Variants in SCP2 observed in about 807,000 individuals in gnomAD.
The protein encoded by SCP2 is sterol carrier protein 2, also known as SCP-2/3-oxoacyl-CoA thiolase.
Under a neutral mutation model 71.4 loss-of-function variants are expected in SCP2, and 48 were observed. The observed-to-expected ratio is 0.67, with a 90% CI of 0.53 to 0.86. The LOEUF (loss-of-function observed/expected upper bound fraction) is 0.86, where lower values mean the gene tolerates loss of function less well. Ranked by LOEUF, SCP2 falls within the 40% of genes least tolerant of loss-of-function variation. The pLI is 0.00. For missense variants in SCP2, 560 were observed against 655.6 expected, an observed-to-expected ratio of 0.85 and a Z score of 1.59; for synonymous variants, 220 against 218.1, an observed-to-expected ratio of 1.01 and a Z score of -0.08.
intron 11 of SCP2, among the ~76,000 whole-genome samples, chr1:53,003,489 AGATTATAG>A (rs907931174): frequency 6.6e-6 from 1 of 151,962 alleles, no homozygotes. Flanking sequence ...CAAAGTGCTG[AGATTATAG>A]GCATGAGCCA....
rs1284615316 is a variant in SCP2 at position 52,927,450 on chromosome 1, G to T, written c.54G>T (p.Gly18=). The T allele has an allele frequency of 6.2e-7, 1 of 1,601,636 alleles. No homozygotes were observed. Among genetic ancestry groups the T allele is most frequent in the Non-Finnish European group, 8.5e-7 (1 of 1,174,872 alleles). The change falls in exon 1 of 16, where the codon GGG becomes GGT. Residue 18 remains glycine (G), a synonymous_variant. Coordinates refer to ENST00000371514, the MANE Select transcript of SCP2 (RefSeq NM_002979.5). ...PATLRRVFVV[G]VGMTKFVKPG... ...CCCTGCGCCGGGTGTTCGTGGTGGG[G>T]GTTGGCATGACCAAGGTAAACCGAG... is the stretch of plus-strand genomic sequence containing the variant.
chr1:52,953,946 C>T (rs1424835586), intron 4 of SCP2, among the ~76,000 whole-genome samples: 1 of 150,734 alleles, frequency 6.6e-6, no homozygotes, highest in Non-Finnish European at 1.5e-5. Context: ...TGCACTACTG[C>T]ACTCCAGCCT....
At chr1:52,974,482 T>A (rs910393689) in intron 6 of SCP2, among the ~76,000 whole-genome samples, 4 of 152,212 alleles carry the variant, frequency 2.6e-5, no homozygotes, top group African/African-American at 9.6e-5. Flanking sequence ...AAAACCACCA[T>A]GTTTCTTGTT....
At chr1:53,008,216 A>C (rs1254184691) in intron 11 of SCP2, among the ~76,000 whole-genome samples, 1 of 152,244 alleles carries the variant, frequency 6.6e-6, no homozygotes, top group Non-Finnish European at 1.5e-5. Context: ...AGGAGCTGGT[A>C]CCATTCCTTC....
chr1:52,993,490 A>G lies in SCP2; in HGVS notation c.1081+5354A>G, dbSNP rs561869681. The G allele has an allele frequency of 1.2e-5, 20 of 1,613,286 alleles. No individual in the cohort carries two copies. In the East Asian group the frequency reaches 4.5e-4, roughly 36 times the overall value. ...CCTTTACTCTGAGAATCTGTCTTTG[A>G]AACTTATAGATTTCTTCAAAACTGC... On this transcript the variant is annotated intron_variant, in intron 11 of 15. Transcript: ENST00000371514.
At position 52,993,357 on chromosome 1, in the gene SCP2, T is replaced by C. The variant is rs1445783808; in HGVS notation, c.1081+5221T>C. ...ATCTTTGCTGATGCCTCCATGTATG[T>C]TACCTTAAGTTGCCGTGCTAACTGC... On this transcript the variant is annotated intron_variant, in intron 11 of 15. Coordinates refer to ENST00000371514, the MANE Select transcript of SCP2 (RefSeq NM_002979.5). 22 of 1,614,236 alleles carry C rather than the reference T, an allele frequency of 1.4e-5. No individual in the cohort carries two copies. The South Asian group carries it at 2.0e-4, about 15-fold the overall frequency.
intron 12 of SCP2, among the ~76,000 whole-genome samples, chr1:53,023,826 C>G (rs17107617): frequency 0.037 from 5,702 of 152,208 alleles, 226 homozygotes; most frequent in East Asian, 0.21. Flanking sequence ...AGTAGGCTCT[C>G]TTTTCAATTT....
At chr1:53,005,584 A>C (rs1660582143) in intron 11 of SCP2, among the ~76,000 whole-genome samples, 1 of 152,322 alleles carries the variant, frequency 6.6e-6, no homozygotes, top group African/African-American at 2.4e-5. Flanking sequence ...GAAAATTAAC[A>C]AACAGAAAGG....
intron 6 of SCP2, among the ~76,000 whole-genome samples, chr1:52,963,477 A>G (rs1218078801): frequency 6.6e-6 from 1 of 152,166 alleles, no homozygotes; most frequent in African/African-American, 2.4e-5. Context: ...TTATTCAGCT[A>G]TCACAAGAAT....
intron 12 of SCP2, among the ~76,000 whole-genome samples, chr1:53,023,579 A>G (rs1661900100): frequency 6.6e-6 from 1 of 152,188 alleles, no homozygotes; most frequent in South Asian, 2.1e-4. Flanking sequence ...AAGGTATGGT[A>G]TCTGCTCTTA....
intron 1 of SCP2, among the ~76,000 whole-genome samples, chr1:52,931,363 A>G (rs1653135190): frequency 6.6e-6 from 1 of 152,192 alleles, no homozygotes; most frequent in Non-Finnish European, 1.5e-5. Context: ...ATTCTAAGGA[A>G]CAGTTAGGTC....
intron 5 of SCP2, among the ~76,000 whole-genome samples, chr1:52,957,323 A>G (rs1012847996): frequency 6.6e-6 from 1 of 152,250 alleles, no homozygotes; most frequent in Non-Finnish European, 1.5e-5. Flanking sequence ...ATACAGACAC[A>G]TGTAACTAAG....
At chr1:52,972,570 T>C (rs1393783943) in intron 6 of SCP2, among the ~76,000 whole-genome samples, 1 of 152,210 alleles carries the variant, frequency 6.6e-6, no homozygotes, top group African/African-American at 2.4e-5. Context: ...CAATAAAGCA[T>C]GTGTACTTCC....
chr1:53,027,975 T>G lies in SCP2; in HGVS notation c.1242T>G (p.Phe414Leu), dbSNP rs201890367. 1.6e-5 allele frequency: 25 copies of G among 1,581,404 alleles called. No individual in the cohort carries two copies. The highest frequency in any genetic ancestry group is 9.6e-6 in the Non-Finnish European group (11 of 1,150,444). Residue 414 changes from phenylalanine (F) to leucine (L), a missense_variant, in exon 13 of 16, where the codon TTT becomes TTG. Around this residue, in one of 3 missense-constraint regions of SCP2, gnomAD observed 513 missense variants for 573.1 expected, o/e 0.90. Coordinates refer to ENST00000371514, the MANE Select transcript of SCP2 (RefSeq NM_002979.5). ...AACAGTTTCTTTTCCCCAGTTCTTT[T>G]AGAACTCATCAAATTGAAGCTGTTC... ...KMGFPEAASS[F>L]RTHQIEAVPT...
intron 6 of SCP2, among the ~76,000 whole-genome samples, chr1:52,969,334 C>T (rs973856801): frequency 6.6e-6 from 1 of 151,708 alleles, no homozygotes; most frequent in Non-Finnish European, 1.5e-5. Flanking sequence ...CAAGACCAGC[C>T]TGGGCAACAT....
intron 11 of SCP2, among the ~76,000 whole-genome samples, chr1:52,998,173 T>C (rs1407283507): frequency 2.6e-5 from 4 of 152,222 alleles, no homozygotes; most frequent in Non-Finnish European, 4.4e-5. Context: ...TGTTTCCTGT[T>C]TAGGGCTGCA....
At chr1:52,960,974 A>C (rs2150142283) in intron 5 of SCP2, among the ~76,000 whole-genome samples, 1 of 146,410 alleles carries the variant, frequency 6.8e-6, no homozygotes, top group South Asian at 2.2e-4. Context: ...CTGGTCTTGA[A>C]CTCCTGAGCT....
chr1:52,973,894 G>A (rs1002159933), intron 6 of SCP2, among the ~76,000 whole-genome samples: 10 of 152,148 alleles, frequency 6.6e-5, no homozygotes, highest in Non-Finnish European at 7.4e-5. Context: ...GAGCCATCGC[G>A]CTTGGCCCTG....
At chr1:53,036,035 A>AG (rs1557625937) in intron 13 of SCP2, among the ~76,000 whole-genome samples, 4 of 149,242 alleles carry the variant, frequency 2.7e-5, no homozygotes, top group African/African-American at 7.5e-5. Flanking sequence ...AAAAAAAAAA[A>AG]AAAAAGAAAA....
Sources: gnomAD v4.1 joint callset for allele counts (sites outside exome capture counted in the v4.1 genomes callset) on GRCh38, gnomAD v4.1.1 for gene constraint, gnomAD v4.1.1 regional missense constraint, MANE v1.5 for transcripts, NCBI Gene and HGNC (gene_info 2026-07-23, HGNC 2026-07-21) for gene names.